DCT: variants seen among roughly 807,000 people sequenced by gnomAD.
The protein encoded by DCT is L-dopachrome tautomerase.
In DCT, 47 loss-of-function variants were observed where a neutral mutation model predicts 53.0. That is an observed-to-expected ratio of 0.89 (90% confidence interval 0.70 to 1.13). The LOEUF is 1.13. Among genes scored for constraint, DCT ranks in the 50% most tolerant of loss-of-function variants. DCT has a pLI of 0.00. For synonymous variants in DCT, 244 were observed against 237.0 expected (o/e 1.03, Z -0.27); for missense variants, 669 against 637.4 (o/e 1.05, Z -0.53).
At position 94,465,739 on chromosome 13, in the gene DCT, C is replaced by G; in HGVS notation, c.757G>C (p.Glu253Gln). The G allele has an allele frequency of 6.2e-7, 1 of 1,612,724 alleles. No individual in the cohort carries two copies. The highest frequency in any genetic ancestry group is 8.5e-7 in the Non-Finnish European group (1 of 1,179,468). Reference sequence around the variant, plus strand: ...AGCTGGTCTGTACACACATCACACTCGTTCCTCCCAGTGGCAAAGTTCCAG... The same window carrying G: ...AGCTGGTCTGTACACACATCACACTGGTTCCTCCCAGTGGCAAAGTTCCAG... ...PYWNFATGRN[E>Q]CDVCTDQLFG... The change falls in exon 4 of 8, where the codon GAG (glutamate) becomes CAG (glutamine). Residue 253 changes from glutamate to glutamine, a missense_variant. Transcript: ENST00000377028.
chr13:94,459,441 G>T (rs1251960176), intron 6 of DCT, among the ~76,000 whole-genome samples: 1 of 152,216 alleles, frequency 6.6e-6, no homozygotes, highest in African/African-American at 2.4e-5. Flanking sequence ...CATGCATCTT[G>T]TGGCTTGGAA....
chr13:94,446,713 A>G (rs1338996247), intron 6 of DCT, among the ~76,000 whole-genome samples: 1 of 152,098 alleles, frequency 6.6e-6, no homozygotes, highest in Non-Finnish European at 1.5e-5. Flanking sequence ...GTTCCTTCTA[A>G]GCACTGTGAG....
chr13:94,445,884 TGG>T, intron 6 of DCT: 2 of 620,096 alleles, frequency 3.2e-6, no homozygotes, highest in Non-Finnish European at 5.7e-6. Context: ...GGAGAAACTG[TGG>T]GGGGGCGGGG....
At chr13:94,511,301 GCT>G in the DCT span, among the ~76,000 whole-genome samples, 1 of 150,708 alleles carries the variant, frequency 6.6e-6, no homozygotes, top group African/African-American at 2.4e-5. Context: ...TGCACAAACT[GCT>G]CTCTTCCTGG....
chr13:94,512,539 G>A, the DCT span, among the ~76,000 whole-genome samples: 1 of 152,124 alleles, frequency 6.6e-6, no homozygotes, highest in Non-Finnish European at 1.5e-5. Context: ...AGCCAGAAGT[G>A]GGAAAAAACG....
At chr13:94,463,521 C>G (rs910456966) in intron 4 of DCT, among the ~76,000 whole-genome samples, 2 of 151,812 alleles carry the variant, frequency 1.3e-5, no homozygotes, top group African/African-American at 2.4e-5. Flanking sequence ...AACTCCTGAC[C>G]TCAGGTGATC....
chr13:94,511,907 A>C, the DCT span, among the ~76,000 whole-genome samples: 2 of 151,190 alleles, frequency 1.3e-5, no homozygotes, highest in Non-Finnish European at 2.9e-5. Context: ...TCTGTCGCTC[A>C]GGCTGGAGAG....
the DCT span, among the ~76,000 whole-genome samples, chr13:94,514,741 T>G: frequency 6.6e-6 from 1 of 152,166 alleles, no homozygotes; most frequent in South Asian, 2.1e-4. Flanking sequence ...AAGATGGACG[T>G]GGAGACCTAG....
At chr13:94,465,554 A>G (rs1363350085) in intron 4 of DCT, 79 bp downstream of exon 4, 5 of 1,382,924 alleles carry the variant, frequency 3.6e-6, no homozygotes, top group Non-Finnish European at 5.0e-6. Flanking sequence ...AAACAGCACT[A>G]TAAAGTGACT....
At chr13:94,471,107 G>A (rs1181029212) in intron 1 of DCT, among the ~76,000 whole-genome samples, 1 of 152,182 alleles carries the variant, frequency 6.6e-6, no homozygotes, top group African/African-American at 2.4e-5. Flanking sequence ...CCATAGGGGA[G>A]GGGGAGTTAT....
the DCT span, among the ~76,000 whole-genome samples, chr13:94,529,356 C>T: frequency 3.3e-4 from 50 of 152,170 alleles, no homozygotes; most frequent in Non-Finnish European, 5.6e-4. Context: ...AGTACCACAT[C>T]GCACTTATTC....
chr13:94,466,604 A>G lies in DCT; in HGVS notation c.650T>C (p.Val217Ala). ...CAACAAATGGTACCGGTGCCAGGTA[A>G]CAAATGCAGGTCCTTGATGTGAGAA... is the stretch of plus-strand genomic sequence containing the variant. ...IDFSHQGPAF[V>A]TWHRYHLLCL... The change falls in exon 3 of 8, where the codon GTT becomes GCT. Residue 217 changes from valine (V) to alanine (A), a missense_variant. Transcript: ENST00000377028. 1 of 1,612,508 alleles carries G rather than the reference A, an allele frequency of 6.2e-7. No individual in the cohort carries two copies. Among genetic ancestry groups the G allele is most frequent in the African/African-American group, 1.3e-5 (1 of 75,018 alleles).
the DCT span, among the ~76,000 whole-genome samples, chr13:94,534,255 T>A: frequency 6.6e-6 from 1 of 152,164 alleles, no homozygotes; most frequent in Non-Finnish European, 1.5e-5. Context: ...GAGAAAGTAA[T>A]CAAGTAAGTT....
chr13:94,495,274 T>C, the DCT span, among the ~76,000 whole-genome samples: 5 of 152,310 alleles, frequency 3.3e-5, no homozygotes, highest in African/African-American at 9.6e-5. Context: ...TTTTTGTATA[T>C]TTTGTGGAGA....
At chr13:94,443,336 T>C in intron 7 of DCT, 100 bp downstream of exon 7, 1 of 953,104 alleles carries the variant, frequency 1.0e-6, no homozygotes, top group Non-Finnish European at 1.6e-6. Context: ...CCTGAAAGCT[T>C]CGGCTAAAGG....
chr13:94,450,171 C>T (rs1882984247), intron 6 of DCT, among the ~76,000 whole-genome samples: 1 of 152,142 alleles, frequency 6.6e-6, no homozygotes, highest in Non-Finnish European at 1.5e-5. Flanking sequence ...GGAAGAAGTT[C>T]CTCACCACAC....
the DCT span, among the ~76,000 whole-genome samples, chr13:94,540,434 T>G: frequency 6.6e-5 from 10 of 152,146 alleles, no homozygotes; most frequent in African/African-American, 1.9e-4. Flanking sequence ...GAACTAAACA[T>G]GTAAGGAACT....
At chr13:94,529,946 G>T in the DCT span, among the ~76,000 whole-genome samples, 35 of 152,218 alleles carry the variant, frequency 2.3e-4, no homozygotes, top group African/African-American at 8.4e-4. Context: ...CAATAAAAAC[G>T]ATAAAGGGGA....
At position 94,462,050 on chromosome 13, in the gene DCT, CA is replaced by C. The variant is rs757604658; in HGVS notation, c.1002del (p.Phe334LeufsTer32). 15 of 1,613,102 alleles carry C rather than the reference CA, an allele frequency of 9.3e-6. 1 individual carries two copies. The highest frequency in any genetic ancestry group is 8.4e-5 in the Admixed American group (5 of 59,790). On this transcript the variant is annotated frameshift_variant, in exon 5 of 8. Transcript: ENST00000377028. LOFTEE classifies it high-confidence loss of function. Reference protein sequence around the residue: ...DIRDCLSLQKFDNPPFFQNST... With the variant: ...DIRDCLSLQKXDNPPFFQNST... ...GAGTTCTGGAAGAAGGGAGGATTGT[CA>C]AACTTCTGGAGAGACAGGCAATCTC...
Sources: gnomAD v4.1 joint callset for allele counts (sites outside exome capture counted in the v4.1 genomes callset) on GRCh38, gnomAD v4.1.1 for gene constraint, MANE v1.5 for transcripts, NCBI Gene and HGNC (gene_info 2026-07-23, HGNC 2026-07-21) for gene names.